CNOT6L: variants seen among roughly 807,000 people sequenced by gnomAD.
CNOT6L encodes CCR4-NOT transcription complex subunit 6 like.
CNOT6L carries 7 observed loss-of-function variants against 64.0 expected under a neutral mutation model. That is an observed-to-expected ratio of 0.11 (90% CI 0.06 to 0.21). CNOT6L has a LOEUF of 0.21. Among genes scored for constraint, CNOT6L ranks in the 10% least tolerant of loss-of-function variants. The pLI is 1.00. For missense variants in CNOT6L, 245 were observed against 669.0 expected (o/e 0.37, Z 6.99); for synonymous variants, 193 against 243.4 (o/e 0.79, Z 1.93).
At position 77,756,996 on chromosome 4, in the gene CNOT6L, A is replaced by C. The variant is rs760284611; in HGVS notation, c.401-45T>G. 6.2e-6 allele frequency: 6 copies of C among 961,198 alleles called. No individual in the cohort carries two copies. The Admixed American group carries it at 1.0e-4, about 16-fold the overall frequency. 59.5% of individuals were successfully genotyped at this position (961,198 alleles called of 1,614,324 possible). ...TAAAACCTTTAAAACTTATAACTGCAAGGCAAGACAGAAATGTATACTATA... is the reference window on the plus strand; with the variant it reads ...TAAAACCTTTAAAACTTATAACTGCCAGGCAAGACAGAAATGTATACTATA... On this transcript the variant is annotated intron_variant, in intron 4 of 11. Coordinates refer to ENST00000504123, the MANE Select transcript of CNOT6L (RefSeq NM_144571.3).
At chr4:77,817,567 T>C (rs931706186) in intron 1 of CNOT6L, among the ~76,000 whole-genome samples, 1 of 152,214 alleles carries the variant, frequency 6.6e-6, no homozygotes, top group Non-Finnish European at 1.5e-5. Flanking sequence ...CTGTGACTGA[T>C]AAAACTGTGG....
At chr4:77,778,429 G>C (rs112778368) in intron 1 of CNOT6L, among the ~76,000 whole-genome samples, 9,486 of 148,384 alleles carry the variant, frequency 0.064, 429 homozygotes, top group African/African-American at 0.13. Context: ...ACGGAGTTTT[G>C]CTCTGTCGCC....
intron 1 of CNOT6L, among the ~76,000 whole-genome samples, chr4:77,808,987 C>T (rs1218906458): frequency 6.6e-6 from 1 of 152,020 alleles, no homozygotes; most frequent in Non-Finnish European, 1.5e-5. Flanking sequence ...TAATAGTGTA[C>T]GTGTATTGTT....
intron 1 of CNOT6L, among the ~76,000 whole-genome samples, chr4:77,781,422 A>G (rs1325386494): frequency 6.6e-6 from 1 of 152,234 alleles, no homozygotes; most frequent in Non-Finnish European, 1.5e-5. Flanking sequence ...TTAATTTATA[A>G]GCAATATTAT....
In CNOT6L at chr4:77,773,720, AAAG is replaced by A. The variant is rs1377074122; in HGVS notation, c.315-557_315-555del. 1.5e-3 allele frequency among the ~76,000 whole-genome samples: 221 copies of A among 152,240 alleles called. 2 individuals are homozygous for A. Among genetic ancestry groups the A allele is most frequent in the South Asian group, 2.1e-4 (1 of 4,832 alleles). On this transcript the variant is annotated intron_variant, in intron 3 of 11. Transcript: ENST00000504123. ...TAAGAAACAACAGGTGAAGTATATT[AAAG>A]AAGACAAAAGAAAATGTGAAAAGAT...
chr4:77,814,446 T>G (rs1733333772), intron 1 of CNOT6L, among the ~76,000 whole-genome samples: 1 of 152,210 alleles, frequency 6.6e-6, no homozygotes, highest in Non-Finnish European at 1.5e-5. Flanking sequence ...CATTCCATTT[T>G]ATGTCTCAGA....
chr4:77,735,787 CATA>C lies in CNOT6L; in HGVS notation c.873-4252_873-4250del, dbSNP rs367968189. On this transcript the variant is annotated intron_variant, in intron 8 of 11. Coordinates refer to ENST00000504123, the MANE Select transcript of CNOT6L (RefSeq NM_144571.3). Reference sequence around the variant, plus strand: ...CATTCCTTCCTTGTTATTTACAGTGCATAATGTTAGTTAAAATATCCTCCTCAC... The same window carrying C: ...CATTCCTTCCTTGTTATTTACAGTGCATGTTAGTTAAAATATCCTCCTCAC... 3.8e-3 allele frequency among the ~76,000 whole-genome samples: 574 copies of C among 152,306 alleles called. 2 individuals carry two copies. The highest frequency in any genetic ancestry group is 0.012 in the African/African-American group (518 of 41,578).
Position 77,756,959 on chromosome 4 carries a change from A to G in CNOT6L, c.401-8T>C, listed in dbSNP as rs774568590. On this transcript the variant is annotated splice_polypyrimidine_tract_variant and splice_region_variant and intron_variant, in intron 4 of 11. Coordinates refer to ENST00000504123, the MANE Select transcript of CNOT6L (RefSeq NM_144571.3). ...CCTGTGATAAAGGATTGCCTAAAGC[A>G]GAAGACAAAAATAAAACCTTTAAAA... is the stretch of plus-strand genomic sequence containing the variant. 57 of 1,539,820 alleles carry G rather than the reference A, an allele frequency of 3.7e-5. No individual in the cohort carries two copies. Among genetic ancestry groups the G allele is most frequent in the Non-Finnish European group, 4.5e-5 (51 of 1,126,092 alleles).
At chr4:77,802,147 T>G (rs537493786) in intron 1 of CNOT6L, among the ~76,000 whole-genome samples, 1 of 152,268 alleles carries the variant, frequency 6.6e-6, no homozygotes, top group African/African-American at 2.4e-5. Flanking sequence ...GGTTGATGAT[T>G]GTGAGGTGTG....
In CNOT6L at chr4:77,731,514, T is replaced by C; in HGVS notation, c.897A>G (p.Thr299=). 2 of 1,600,200 alleles carry C rather than the reference T, an allele frequency of 1.2e-6. No individual in the cohort carries two copies. Among genetic ancestry groups the C allele is most frequent in the Non-Finnish European group, 1.7e-6 (2 of 1,174,740 alleles). The part of the protein sequence containing the change: ...TEKFTLVQKH[T]VEFNQVAMAN... ...CCATCGCCACTTGGTTAAATTCCACTGTATGCTTCTGCACCAATGTAAATC... is the reference window on the plus strand; with the variant it reads ...CCATCGCCACTTGGTTAAATTCCACCGTATGCTTCTGCACCAATGTAAATC... Residue 299 remains threonine (T), a synonymous_variant, in exon 9 of 12, where the codon ACA becomes ACG. Coordinates refer to ENST00000504123, the MANE Select transcript of CNOT6L (RefSeq NM_144571.3).
intron 5 of CNOT6L, among the ~76,000 whole-genome samples, chr4:77,753,532 G>A (rs889012295): frequency 1.2e-4 from 18 of 152,000 alleles, no homozygotes; most frequent in African/African-American, 3.4e-4. Context: ...TTAGCTAGGC[G>A]TGGTGGTGTG....
At position 77,768,464 on chromosome 4, in the gene CNOT6L, AAAAT is replaced by A. The variant is rs1193339622; in HGVS notation, c.400+4613_400+4616del. On this transcript the variant is annotated intron_variant, in intron 4 of 11. Coordinates refer to ENST00000504123, the MANE Select transcript of CNOT6L (RefSeq NM_144571.3). ...TGGGTAACAGAGTGAGACTCTGTCT[AAAAT>A]AAATAAATATATATATATATATATA... is the stretch of plus-strand genomic sequence containing the variant. 6.0e-3 allele frequency among the ~76,000 whole-genome samples: 115 copies of A among 19,204 alleles called. 2 individuals carry two copies. Among genetic ancestry groups the A allele is most frequent in the African/African-American group, 0.01 (67 of 6,594 alleles). The allele number at this position is 19,204 out of a possible 152,430, so 12.6% of individuals were successfully genotyped here.
At position 77,714,084 on chromosome 4, in the gene CNOT6L, A is replaced by G. The variant is rs187078942; in HGVS notation, c.*6347T>C. 5 of 152,726 alleles carry G rather than the reference A, an allele frequency of 3.3e-5. No homozygotes were observed. Among genetic ancestry groups the G allele is most frequent in the Non-Finnish European group, 7.4e-5 (5 of 68,018 alleles). The allele number at this position is 152,726 out of a possible 1,614,324, so 9.5% of individuals were successfully genotyped here. On this transcript the variant is annotated 3_prime_UTR_variant, in exon 12 of 12. Transcript: ENST00000504123. ...TTTTGGAATAGTATCAATGGAAACT[A>G]CCAAGTATTCAGGGAAAAAGTTACT...
At chr4:77,819,093 C>CGCACACACACACACA (rs1733988013) in intron 1 of CNOT6L, 1 of 813,750 alleles carries the variant, frequency 1.2e-6, no homozygotes, top group African/African-American at 1.9e-5. Flanking sequence ...CCTTCGCCCG[C>CGCACACACACACACA]CTCTGAAGAG....
Position 77,744,102 on chromosome 4 carries a change from G to A in CNOT6L, c.717+616C>T, listed in dbSNP as rs562985013. 2.6e-5 allele frequency among the ~76,000 whole-genome samples: 4 copies of A among 152,124 alleles called. No homozygotes were observed. The South Asian group carries it at 8.3e-4, about 32-fold the overall frequency. On this transcript the variant is annotated intron_variant, in intron 7 of 11. Transcript: ENST00000504123. Reference sequence around the variant, plus strand: ...CTTAATATGTTTTGAAAGTTGCTAAGAAAAAAGTTACTAAAAACTATTCAA... The same window carrying A: ...CTTAATATGTTTTGAAAGTTGCTAAAAAAAAAGTTACTAAAAACTATTCAA...
chr4:77,757,838 C>T (rs908266310), intron 4 of CNOT6L, among the ~76,000 whole-genome samples: 2 of 152,018 alleles, frequency 1.3e-5, no homozygotes, highest in Non-Finnish European at 2.9e-5. Context: ...CAGATGGGGA[C>T]TACAAGTGCC....
chr4:77,743,145 C>G (rs1723778394), intron 7 of CNOT6L, among the ~76,000 whole-genome samples: 1 of 152,122 alleles, frequency 6.6e-6, no homozygotes, highest in South Asian at 2.1e-4. Flanking sequence ...TTTAACACAA[C>G]TATCTTATGA....
chr4:77,723,765 T>C (rs1330475340), intron 11 of CNOT6L, among the ~76,000 whole-genome samples: 1 of 152,208 alleles, frequency 6.6e-6, no homozygotes, highest in South Asian at 2.1e-4. Context: ...GAGCCAGGCA[T>C]TTCTAGTTCT....
chr4:77,795,869 G>C (rs1352740979), intron 1 of CNOT6L, among the ~76,000 whole-genome samples: 4 of 152,112 alleles, frequency 2.6e-5, no homozygotes, highest in Non-Finnish European at 5.9e-5. Context: ...ATATTCATGG[G>C]TCAGAAGAAT....
Sources: allele counts gnomAD v4.1 joint callset (sites outside exome capture counted in the v4.1 genomes callset), GRCh38; gene constraint gnomAD v4.1.1; transcripts MANE v1.5; gene names NCBI Gene and HGNC (gene_info 2026-07-23, HGNC 2026-07-21).